The following TPTE variants were observed in gnomAD, a reference collection of about 807,000 sequenced individuals.
TPTE encodes the protein transmembrane phosphatase with tensin homology.
TPTE carries 59 observed loss-of-function variants against 84.1 expected under a neutral mutation model. That is an observed-to-expected ratio of 0.70 (90% CI 0.57 to 0.87). The LOEUF is 0.87. Among genes scored for constraint, TPTE ranks in the 40% least tolerant of loss-of-function variants. TPTE has a pLI of 0.00. For missense variants in TPTE, 382 were observed against 659.6 expected (o/e 0.58, Z 4.61); for synonymous variants, 130 against 223.5 (o/e 0.58, Z 3.73).
At chr21:10,575,371 T>G (rs1482960441) in intron 14 of TPTE, among the ~76,000 whole-genome samples, 325 of 151,956 alleles carry the variant, frequency 2.1e-3, no homozygotes, top group African/African-American at 7.6e-3. Context: ...CTCCCTGAAA[T>G]GGAGCTCCTG....
At chr21:10,523,547 A>G (rs1438223827) in intron 1 of TPTE, among the ~76,000 whole-genome samples, 2 of 151,840 alleles carry the variant, frequency 1.3e-5, no homozygotes, top group Non-Finnish European at 2.9e-5. Flanking sequence ...GAGAATATGC[A>G]GTGTTTGGTT....
chr21:10,553,391 ACT>A (rs1404585539), intron 8 of TPTE, among the ~76,000 whole-genome samples: 2 of 152,310 alleles, frequency 1.3e-5, no homozygotes. Flanking sequence ...GAGGAAGTTA[ACT>A]CACCATGGTT....
intron 17 of TPTE, among the ~76,000 whole-genome samples, chr21:10,590,158 C>CA (rs368778922): frequency 2.0e-5 from 3 of 152,262 alleles, no homozygotes; most frequent in Non-Finnish European, 2.9e-5. Flanking sequence ...TACTATTATC[C>CA]AAAAAAATCA....
intron 7 of TPTE, among the ~76,000 whole-genome samples, chr21:10,548,273 A>G (rs212122): frequency 1.6e-3 from 240 of 152,026 alleles, no homozygotes; most frequent in African/African-American, 5.3e-3. Flanking sequence ...AGGCCACCCC[A>G]CACAGAAACA....
intron 3 of TPTE, among the ~76,000 whole-genome samples, chr21:10,537,451 G>A (rs1166336987): frequency 6.6e-6 from 1 of 152,296 alleles, no homozygotes; most frequent in Non-Finnish European, 1.5e-5. Context: ...GGCCGAGGTG[G>A]GTGGATCACG....
At chr21:10,538,564 A>G in intron 3 of TPTE, 117 bp from the exon 4 acceptor site, 14 of 1,484,538 alleles carry the variant, frequency 9.4e-6, no homozygotes, top group Non-Finnish European at 1.2e-5. Flanking sequence ...AGTGCTATAC[A>G]CATGAATAGT....
chr21:10,590,156 TC>T (rs1466017231), intron 17 of TPTE, among the ~76,000 whole-genome samples: 7 of 152,416 alleles, frequency 4.6e-5, no homozygotes, highest in Admixed American at 3.3e-4. Context: ...TTTACTATTA[TC>T]CAAAAAAATC....
intron 3 of TPTE, among the ~76,000 whole-genome samples, chr21:10,535,341 G>A (rs1374142561): frequency 1.3e-5 from 2 of 152,296 alleles, no homozygotes; most frequent in Non-Finnish European, 2.9e-5. Context: ...ATACACGCAT[G>A]CATACACATA....
In TPTE at chr21:10,549,497, T is replaced by C. The variant is rs1180268496; in HGVS notation, c.174-3160T>C. The stretch of plus-strand genomic sequence containing the variant: ...GAGAAATTCAGTAAAGATACAGATA[T>C]CATAAAAATAACCAAACAGAAGCCC... On this transcript the variant is annotated intron_variant, in intron 7 of 23. Transcript: ENST00000618007. Among the ~76,000 whole-genome samples, 4 of 152,416 alleles carry C rather than the reference T, an allele frequency of 2.6e-5. No homozygotes were observed. The South Asian group carries it at 6.2e-4, about 24-fold the overall frequency.
intron 17 of TPTE, among the ~76,000 whole-genome samples, chr21:10,582,819 C>T (rs1368603741): frequency 1.7e-4 from 26 of 152,220 alleles, no homozygotes; most frequent in African/African-American, 4.8e-4. Flanking sequence ...TTGCAACCTC[C>T]GCCTCCTGGG....
intron 18 of TPTE, among the ~76,000 whole-genome samples, chr21:10,591,069 T>G (rs1358216763): frequency 6.6e-6 from 1 of 152,306 alleles, no homozygotes; most frequent in South Asian, 2.1e-4. Flanking sequence ...GCCTTGCCCA[T>G]CCTCACAACT....
intron 2 of TPTE, among the ~76,000 whole-genome samples, 182 bp from the exon 3 acceptor site, chr21:10,527,157 TCACACACACACACAGA>T (rs1212841803): frequency 6.0e-5 from 9 of 150,274 alleles, no homozygotes; most frequent in East Asian, 5.8e-4. Context: ...TCTCTCTCTC[TCACACACACACACAGA>T]CACACACACA....
chr21:10,594,173 T>G (rs2075537851), intron 19 of TPTE, among the ~76,000 whole-genome samples: 1 of 152,312 alleles, frequency 6.6e-6, no homozygotes, highest in Non-Finnish European at 1.5e-5. Context: ...GCATCACACA[T>G]CCCATACTCC....
At chr21:10,566,152 A>T (rs2074916838) in intron 10 of TPTE, among the ~76,000 whole-genome samples, 1 of 152,306 alleles carries the variant, frequency 6.6e-6, no homozygotes, top group Non-Finnish European at 1.5e-5. Context: ...GAGCTCAAAC[A>T]ACTCTCTAGG....
chr21:10,541,545 G>A (rs1366577153), intron 5 of TPTE, among the ~76,000 whole-genome samples: 1 of 152,294 alleles, frequency 6.6e-6, no homozygotes, highest in Admixed American at 6.5e-5. Flanking sequence ...AGATTAGTGG[G>A]ATTAACTCTC....
chr21:10,537,911 C>A, intron 3 of TPTE, among the ~76,000 whole-genome samples: 1 of 152,430 alleles, frequency 6.6e-6, no homozygotes, highest in African/African-American at 2.4e-5. Flanking sequence ...TCTGCATGAT[C>A]TCACTATAGG....
chr21:10,584,343 T>G (rs1230390128), intron 17 of TPTE, among the ~76,000 whole-genome samples: 19 of 151,736 alleles, frequency 1.3e-4, no homozygotes, highest in African/African-American at 4.1e-4. Context: ...CTCACTTTTT[T>G]TTTTTTTTTT....
intron 1 of TPTE, among the ~76,000 whole-genome samples, chr21:10,523,154 T>A (rs1026965966): frequency 1.1e-4 from 16 of 152,294 alleles, no homozygotes; most frequent in Admixed American, 9.2e-4. Flanking sequence ...ATAATAATCC[T>A]CTCCATTACA....
At chr21:10,552,367 A>G (rs1474052724) in intron 7 of TPTE, among the ~76,000 whole-genome samples, 7 of 152,292 alleles carry the variant, frequency 4.6e-5, no homozygotes, top group Non-Finnish European at 1.0e-4. Context: ...TTATATATCC[A>G]TATACATATT....
Sources: gnomAD v4.1 joint callset for allele counts (sites outside exome capture counted in the v4.1 genomes callset) on GRCh38, gnomAD v4.1.1 for gene constraint, MANE v1.5 for transcripts, NCBI Gene and HGNC (gene_info 2026-07-23, HGNC 2026-07-21) for gene names.